Variants in FAM135A observed in about 807,000 individuals in gnomAD.
The protein encoded by FAM135A is protein FAM135A.
In FAM135A, 79 loss-of-function variants were observed where a neutral mutation model predicts 146.8. That is an observed-to-expected ratio of 0.54 (90% CI 0.45 to 0.65). The LOEUF (loss-of-function observed/expected upper bound fraction) is 0.65. FAM135A is among the 30% of genes least tolerant of loss of function. The pLI is 0.00. For missense variants in FAM135A, 1,623 were observed against 1,758.2 expected (o/e 0.92, Z 1.38); for synonymous variants, 562 against 603.6 (o/e 0.93, Z 1.01).
chr6:70,549,187 A>G (rs1004744595), intron 20 of FAM135A, among the ~76,000 whole-genome samples: 3 of 152,122 alleles, frequency 2.0e-5, no homozygotes, highest in Non-Finnish European at 4.4e-5. Flanking sequence ...AAGGCTATTC[A>G]TTACAGTGTT....
At chr6:70,497,920 T>C (rs1787669919) in intron 11 of FAM135A, among the ~76,000 whole-genome samples, 1 of 152,210 alleles carries the variant, frequency 6.6e-6, no homozygotes. Context: ...ATCAGAGATA[T>C]TGACTTGAAA....
chr6:70,461,374 C>T (rs1029388178), intron 5 of FAM135A, among the ~76,000 whole-genome samples: 3 of 151,882 alleles, frequency 2.0e-5, no homozygotes, highest in African/African-American at 7.3e-5. Flanking sequence ...ATGTTATATA[C>T]CTCAATATGT....
chr6:70,422,435 G>C (rs555503457), intron 2 of FAM135A, among the ~76,000 whole-genome samples: 82 of 151,836 alleles, frequency 5.4e-4, no homozygotes, highest in Non-Finnish European at 1.0e-3. Context: ...TATTCCTTCT[G>C]TTAGGCAGAG....
chr6:70,469,550 C>T (rs1273662004), intron 5 of FAM135A, among the ~76,000 whole-genome samples: 1 of 151,946 alleles, frequency 6.6e-6, no homozygotes, highest in Non-Finnish European at 1.5e-5. Context: ...TTGGTAGAAC[C>T]AGTGGGTTTA....
At chr6:70,477,095 C>T in intron 7 of FAM135A, 64 bp from the exon 8 acceptor site, 1 of 1,457,868 alleles carries the variant, frequency 6.9e-7, no homozygotes. Flanking sequence ...GTTTCAACTA[C>T]TTTATAATAT....
At chr6:70,532,671 G>A (rs1008239355) in intron 16 of FAM135A, among the ~76,000 whole-genome samples, 11 of 152,178 alleles carry the variant, frequency 7.2e-5, no homozygotes, top group African/African-American at 2.7e-4. Flanking sequence ...GGTGGCTCAC[G>A]CCTATAATCC....
intron 20 of FAM135A, among the ~76,000 whole-genome samples, chr6:70,546,051 G>GT (rs891939403): frequency 1.7e-4 from 25 of 149,746 alleles, no homozygotes; most frequent in African/African-American, 4.9e-4. Context: ...GGGTTTTGGG[G>GT]TTTTTTTTTC....
chr6:70,486,079 G>A (rs1784573720), intron 10 of FAM135A: 1 of 1,037,680 alleles, frequency 9.6e-7, no homozygotes, highest in Non-Finnish European at 1.5e-6. Context: ...TCAACACTAA[G>A]TCTATTATTA....
chr6:70,524,939 G>C lies in FAM135A; in HGVS notation c.1855G>C (p.Asp619His). Residue 619 changes from aspartate to histidine, a missense_variant, in exon 15 of 22, where the codon GAT becomes CAT. Asp to His is a moderately conservative substitution (Grantham distance 81, BLOSUM62 -1). Around this residue, in one of 7 missense-constraint regions of FAM135A, gnomAD observed 1,061 missense variants for 1,113.8 expected, o/e 0.95. Transcript: ENST00000418814. Reference sequence around the variant, plus strand: ...AAATTTGTCCATTTCAGGTAAACTTGATATCTCCCAGGACGATAGTGAAAT... The same window carrying C: ...AAATTTGTCCATTTCAGGTAAACTTCATATCTCCCAGGACGATAGTGAAAT... ...CANLSISGKL[D>H]ISQDDSEITQ... The C allele has an allele frequency of 6.2e-7, 1 of 1,611,246 alleles. No individual in the cohort carries two copies. The highest frequency in any genetic ancestry group is 1.7e-4 in the Middle Eastern group (1 of 6,046).
chr6:70,542,276 A>ACACACACACACACACACACC (rs1242891663), intron 20 of FAM135A, among the ~76,000 whole-genome samples: 81 of 149,126 alleles, frequency 5.4e-4, no homozygotes, highest in African/African-American at 1.9e-3. Context: ...ACACACACAC[A>ACACACACACACACACACACC]CCCTTTGCTG....
chr6:70,447,954 T>C (rs980655829), intron 4 of FAM135A, among the ~76,000 whole-genome samples: 4 of 152,168 alleles, frequency 2.6e-5, no homozygotes, highest in Non-Finnish European at 5.9e-5. Context: ...GGCCTTGATA[T>C]AATCGACTAA....
chr6:70,475,381 C>A, intron 5 of FAM135A, 29 bp from the exon 6 acceptor site: 1 of 1,517,232 alleles, frequency 6.6e-7, no homozygotes, highest in Admixed American at 2.5e-5. Flanking sequence ...TTACTTTTAT[C>A]TGTCAATTAC....
chr6:70,468,768 C>T (rs972431826), intron 5 of FAM135A, among the ~76,000 whole-genome samples: 10 of 152,138 alleles, frequency 6.6e-5, no homozygotes, highest in Non-Finnish European at 1.2e-4. Context: ...CAGTAGAGAA[C>T]AATTCTGATC....
At chr6:70,531,229 A>G (rs573817532) in intron 16 of FAM135A, among the ~76,000 whole-genome samples, 1 of 152,338 alleles carries the variant, frequency 6.6e-6, no homozygotes, top group South Asian at 2.1e-4. Flanking sequence ...GTCAAGAAGC[A>G]AAATGCCTTG....
chr6:70,456,607 TTGG>T (rs2128069621), intron 5 of FAM135A, among the ~76,000 whole-genome samples: 1 of 152,296 alleles, frequency 6.6e-6, no homozygotes, highest in East Asian at 1.9e-4. Context: ...GATTTTTAGG[TTGG>T]TGTAAAGGAT....
At chr6:70,461,547 T>C (rs2128099188) in intron 5 of FAM135A, among the ~76,000 whole-genome samples, 1 of 152,328 alleles carries the variant, frequency 6.6e-6, no homozygotes, top group African/African-American at 2.4e-5. Flanking sequence ...TAACATTTCA[T>C]GTTAATAAGT....
rs768878737 is a variant in FAM135A, at chr6:70,525,465, G to A, written c.2381G>A (p.Gly794Glu). ...GATTTAGTCTTTGAAACTGTGCAAG[G>A]GCAAGGTCCTTGCAATAGTGAAAGA... ...NTDLVFETVQ[G>E]QGPCNSERLF... The change falls in exon 15 of 22, where the codon GGG becomes GAG. Residue 794 changes from glycine to glutamate, a missense_variant. Coordinates refer to ENST00000418814, the MANE Select transcript of FAM135A (RefSeq NM_001162529.3). 8.7e-6 allele frequency: 14 copies of A among 1,612,892 alleles called. No individual in the cohort carries two copies. The highest frequency in any genetic ancestry group is 1.1e-5 in the Non-Finnish European group (13 of 1,179,458).
intron 4 of FAM135A, among the ~76,000 whole-genome samples, chr6:70,442,394 TTTTC>T (rs1432919378): frequency 6.6e-6 from 1 of 152,084 alleles, no homozygotes; most frequent in African/African-American, 2.4e-5. Flanking sequence ...GGGATTGACA[TTTTC>T]TTTGTTTTGT....
intron 11 of FAM135A, among the ~76,000 whole-genome samples, chr6:70,496,130 T>C (rs2128231817): frequency 6.6e-6 from 1 of 152,348 alleles, no homozygotes; most frequent in East Asian, 1.9e-4. Context: ...TAGCATGATT[T>C]ATAATCCTTT....
Sources: allele counts gnomAD v4.1 joint callset (sites outside exome capture counted in the v4.1 genomes callset), GRCh38; gene constraint gnomAD v4.1.1; regional missense constraint gnomAD v4.1.1; transcripts MANE v1.5; gene names NCBI Gene and HGNC (gene_info 2026-07-23, HGNC 2026-07-21).